The following RALGAPB variants were observed in gnomAD, a reference collection of about 807,000 sequenced individuals.
RALGAPB encodes Ral GTPase activating protein non-catalytic subunit beta.
RALGAPB carries 25 observed loss-of-function variants against 161.1 expected under a neutral mutation model. The ratio of observed to expected loss-of-function variants is 0.16; its 90% CI spans 0.11 to 0.22. The LOEUF (loss-of-function observed/expected upper bound fraction) is 0.22. Among genes scored for constraint, RALGAPB ranks in the 10% least tolerant of loss-of-function variants. The pLI is 1.00. For synonymous variants in RALGAPB, 629 were observed against 626.1 expected (o/e 1.00, Z -0.07); for missense variants, 1,391 against 1,815.2 (o/e 0.77, Z 4.25).
Position 38,541,021 on chromosome 20 carries a change from T to TC in RALGAPB, c.2563-19dup. ...GAGAAAGGTGTGTTCTAAAAATTGATCTGCCTTTCCTGCTTTTAGGACTGC... is the reference window on the plus strand; with the variant it reads ...GAGAAAGGTGTGTTCTAAAAATTGATCCTGCCTTTCCTGCTTTTAGGACTGC... On this transcript the variant is annotated intron_variant, in intron 17 of 29. Coordinates refer to ENST00000262879, the MANE Select transcript of RALGAPB (RefSeq NM_020336.4). The TC allele has an allele frequency of 6.2e-7, 1 of 1,609,754 alleles. No individual in the cohort carries two copies. The highest frequency in any genetic ancestry group is 2.2e-5 in the East Asian group (1 of 44,842).
chr20:38,531,956 G>A (rs1226011610), intron 14 of RALGAPB, among the ~76,000 whole-genome samples: 1 of 152,156 alleles, frequency 6.6e-6, no homozygotes, highest in Non-Finnish European at 1.5e-5. Context: ...CTATACATAC[G>A]GGAGTTAAAA....
chr20:38,485,122 T>C (rs956723115), intron 1 of RALGAPB, among the ~76,000 whole-genome samples: 1 of 152,226 alleles, frequency 6.6e-6, no homozygotes, highest in Admixed American at 6.5e-5. Context: ...TAGCACAATA[T>C]ATTTTGTATT....
intron 1 of RALGAPB, among the ~76,000 whole-genome samples, chr20:38,486,161 G>A (rs2085108574): frequency 6.6e-6 from 1 of 151,274 alleles, no homozygotes; most frequent in African/African-American, 2.4e-5. Context: ...GTAGAGACAG[G>A]GTTTCACCAT....
At chr20:38,519,933 A>T (rs527369698) in intron 9 of RALGAPB, among the ~76,000 whole-genome samples, 1 of 152,336 alleles carries the variant, frequency 6.6e-6, no homozygotes, top group Non-Finnish European at 1.5e-5. Flanking sequence ...TAAAAGTAAC[A>T]TTGAGCTGGG....
In RALGAPB at chr20:38,493,130, A is replaced by C. The variant is rs1261251446; in HGVS notation, c.387A>C (p.Pro129=). Reference sequence around the variant, plus strand: ...AACACCTACAGAATCTTTTTGTACCAAGGTAAGCTATACCTGTCTATCTGG... The same window carrying C: ...AACACCTACAGAATCTTTTTGTACCCAGGTAAGCTATACCTGTCTATCTGG... ...ILKHLQNLFV[P]RQEQGSSQIR... The change falls in exon 3 of 30, where the codon CCA becomes CCC. Residue 129 remains proline, a splice_region_variant and synonymous_variant. Coordinates refer to ENST00000262879, the MANE Select transcript of RALGAPB (RefSeq NM_020336.4). 6.3e-7 allele frequency: 1 copy of C among 1,592,302 alleles called. No homozygotes were observed. The highest frequency in any genetic ancestry group is 1.7e-5 in the Admixed American group (1 of 59,972).
chr20:38,474,740 C>T (rs2084755751), intron 1 of RALGAPB, among the ~76,000 whole-genome samples: 1 of 152,164 alleles, frequency 6.6e-6, no homozygotes, highest in Non-Finnish European at 1.5e-5. Context: ...AGTTCTATCC[C>T]TACTTCTAGA....
At chr20:38,537,722 T>C (rs1481938533) in intron 16 of RALGAPB, 1 of 152,174 alleles carries the variant, frequency 6.6e-6, no homozygotes, top group Non-Finnish European at 1.5e-5. Flanking sequence ...CAGGACTCAA[T>C]AATAGCCTTT....
intron 10 of RALGAPB, among the ~76,000 whole-genome samples, chr20:38,522,045 T>G (rs766077105): frequency 6.6e-6 from 1 of 152,256 alleles, no homozygotes; most frequent in Non-Finnish European, 1.5e-5. Flanking sequence ...CCAAGGAGCT[T>G]ATTTTCTGGG....
At chr20:38,500,205 A>G (rs1335336216) in intron 5 of RALGAPB, among the ~76,000 whole-genome samples, 1 of 147,830 alleles carries the variant, frequency 6.8e-6, no homozygotes, top group Non-Finnish European at 1.5e-5. Context: ...ACCTTGTTTT[A>G]TTGCACTTGA....
At chr20:38,484,064 A>T (rs995528307) in intron 1 of RALGAPB, among the ~76,000 whole-genome samples, 3 of 152,104 alleles carry the variant, frequency 2.0e-5, no homozygotes, top group Admixed American at 2.0e-4. Context: ...CTGTAGTCCC[A>T]GCTACTCAGG....
At chr20:38,540,062 TTAAAC>T in intron 17 of RALGAPB, 104 bp downstream of exon 17, 2 of 982,434 alleles carry the variant, frequency 2.0e-6, no homozygotes, top group Middle Eastern at 2.9e-4. Flanking sequence ...ATTGCACACT[TTAAAC>T]TGAAAATACT....
At chr20:38,536,412 G>A (rs1395388399) in intron 16 of RALGAPB, among the ~76,000 whole-genome samples, 1 of 152,148 alleles carries the variant, frequency 6.6e-6, no homozygotes, top group East Asian at 1.9e-4. Context: ...CTAGGCTGTT[G>A]TCAGTAGTGC....
chr20:38,520,524 C>CTTTTTTTTT (rs775371608), intron 9 of RALGAPB, among the ~76,000 whole-genome samples: 15 of 70,286 alleles, frequency 2.1e-4, no homozygotes, highest in East Asian at 8.2e-4. Flanking sequence ...TGTGTTTTGG[C>CTTTTTTTTT]TTTTTTTTTT....
intron 10 of RALGAPB, among the ~76,000 whole-genome samples, chr20:38,522,486 A>T (rs1258976413): frequency 1.3e-5 from 2 of 152,256 alleles, no homozygotes; most frequent in South Asian, 4.2e-4. Flanking sequence ...TATACTTTAG[A>T]CTTTGTCACT....
chr20:38,527,537 G>A (rs1316931741), intron 13 of RALGAPB, among the ~76,000 whole-genome samples: 1 of 152,164 alleles, frequency 6.6e-6, no homozygotes, highest in Non-Finnish European at 1.5e-5. Context: ...ATGATGTATA[G>A]CTATATTCTT....
intron 19 of RALGAPB, chr20:38,547,439 T>G (rs147666902): frequency 2.0e-5 from 3 of 152,356 alleles, no homozygotes; most frequent in African/African-American, 7.2e-5. Context: ...TGCCCAGGGT[T>G]ACTTGGGACT....
intron 16 of RALGAPB, chr20:38,538,053 A>G (rs1399742152): frequency 6.2e-6 from 1 of 160,632 alleles, no homozygotes; most frequent in Non-Finnish European, 1.4e-5. Flanking sequence ...GCCATTGCCC[A>G]GACAGAGTCT....
chr20:38,484,309 T>G (rs1048468809), intron 1 of RALGAPB, among the ~76,000 whole-genome samples: 1 of 152,160 alleles, frequency 6.6e-6, no homozygotes, highest in Non-Finnish European at 1.5e-5. Context: ...TGAAATAAAG[T>G]GAAGTTGTAG....
chr20:38,480,607 G>A (rs1479154909), intron 1 of RALGAPB, among the ~76,000 whole-genome samples: 6 of 151,408 alleles, frequency 4.0e-5, no homozygotes, highest in African/African-American at 1.5e-4. Context: ...GCCTGGTCTT[G>A]AACTCCTGAC....
Sources: gnomAD v4.1 joint callset for allele counts (sites outside exome capture counted in the v4.1 genomes callset) on GRCh38, gnomAD v4.1.1 for gene constraint, MANE v1.5 for transcripts, NCBI Gene and HGNC (gene_info 2026-07-23, HGNC 2026-07-21) for gene names.